SF3A3: variants seen among roughly 807,000 people sequenced by gnomAD.
The protein encoded by SF3A3 is splicing factor 3a subunit 3.
SF3A3 carries 9 observed loss-of-function variants against 85.8 expected under a neutral mutation model. The ratio of observed to expected loss-of-function variants is 0.10; its 90% CI spans 0.06 to 0.18. The LOEUF (loss-of-function observed/expected upper bound fraction) is 0.18. Among genes scored for constraint, SF3A3 ranks in the 10% least tolerant of loss-of-function variants. SF3A3 has a pLI of 1.00. For missense variants in SF3A3, 306 were observed against 593.3 expected, an observed-to-expected ratio of 0.52 and a Z score of 5.03; for synonymous variants, 195 against 204.4, an observed-to-expected ratio of 0.95 and a Z score of 0.39.
intron 14 of SF3A3, among the ~76,000 whole-genome samples, chr1:37,968,574 GGA>G (rs1278052189): frequency 6.6e-6 from 1 of 152,184 alleles, no homozygotes; most frequent in African/African-American, 2.4e-5. Flanking sequence ...GATGTGGTGA[GGA>G]GAGAGCAGGG....
intron 7 of SF3A3, among the ~76,000 whole-genome samples, chr1:37,981,122 T>C (rs1646415700): frequency 6.6e-6 from 1 of 152,118 alleles, no homozygotes; most frequent in Non-Finnish European, 1.5e-5. Flanking sequence ...GTGCTGGGAT[T>C]ACAGGTGTGA....
intron 2 of SF3A3, among the ~76,000 whole-genome samples, chr1:37,988,895 ATTTT>A (rs1200614023): frequency 0.014 from 2,079 of 147,338 alleles, 50 homozygotes; most frequent in East Asian, 0.092. Context: ...ATATATATAT[ATTTT>A]TTTTTTCATT....
chr1:37,980,798 T>C lies in SF3A3; in HGVS notation c.552-74A>G, dbSNP rs1181990722. The C allele has an allele frequency of 1.2e-5, 14 of 1,130,130 alleles. No individual in the cohort carries two copies. The Admixed American group carries it at 1.5e-4, about 12-fold the overall frequency. 70.0% of individuals were successfully genotyped at this position (1,130,130 alleles called of 1,614,324 possible). A position where few individuals can be genotyped will look rare whatever the true frequency, so the allele number is the denominator to read the frequency against. The stretch of plus-strand genomic sequence containing the variant: ...TGGTATCTTGTTATTCCCTGCAGAA[T>C]ATAAAGTACTTATAATTCTAGTAAT... On this transcript the variant is annotated intron_variant, in intron 7 of 16. Coordinates refer to ENST00000373019, the MANE Select transcript of SF3A3 (RefSeq NM_006802.4).
chr1:37,973,786 G>T (rs548686559), intron 12 of SF3A3, among the ~76,000 whole-genome samples: 1 of 152,142 alleles, frequency 6.6e-6, no homozygotes, highest in South Asian at 2.1e-4. Flanking sequence ...GCACACTTAC[G>T]TTTATTGCAG....
chr1:37,974,796 T>C (rs1646368901), intron 12 of SF3A3, among the ~76,000 whole-genome samples: 1 of 152,250 alleles, frequency 6.6e-6, no homozygotes, highest in African/African-American at 2.4e-5. Context: ...CAGAGTTTTC[T>C]CCGACCATTC....
chr1:37,968,228 C>T lies in SF3A3; in HGVS notation c.1282-94G>A, dbSNP rs1366430881. 6.7e-6 allele frequency: 5 copies of T among 749,202 alleles called. No individual in the cohort carries two copies. The African/African-American group carries it at 8.6e-5, about 13-fold the overall frequency. 46.4% of individuals were successfully genotyped at this position (749,202 alleles called of 1,614,324 possible). A position where few individuals can be genotyped will look rare whatever the true frequency, so the allele number is the denominator to read the frequency against. On this transcript the variant is annotated intron_variant, in intron 14 of 16. Transcript: ENST00000373019. ...TCTACTCATAAATCCTAACATGGCC[C>T]TTTGCAAGACTCCACCTAAAGGTAG...
At chr1:37,973,847 A>G (rs1646360144) in intron 12 of SF3A3, among the ~76,000 whole-genome samples, 1 of 152,222 alleles carries the variant, frequency 6.6e-6, no homozygotes, top group South Asian at 2.1e-4. Context: ...TCCATCAATA[A>G]TAGACTGGAT....
intron 12 of SF3A3, among the ~76,000 whole-genome samples, chr1:37,975,444 A>G (rs1646372594): frequency 6.6e-6 from 1 of 151,810 alleles, no homozygotes; most frequent in East Asian, 1.9e-4. Context: ...TGAACCCAGG[A>G]GGCGGAGGTT....
intron 12 of SF3A3, among the ~76,000 whole-genome samples, chr1:37,971,150 G>C (rs541231733): frequency 1.3e-5 from 2 of 151,812 alleles, no homozygotes; most frequent in African/African-American, 4.8e-5. Context: ...TCAAACAGAC[G>C]CAATAAAAAA....
intron 16 of SF3A3, among the ~76,000 whole-genome samples, chr1:37,959,574 AATTATT>A (rs912524330): frequency 6.0e-5 from 9 of 150,912 alleles, no homozygotes; most frequent in African/African-American, 1.2e-4. Context: ...ACACTTGGCT[AATTATT>A]ATTATTATTA....
intron 14 of SF3A3, among the ~76,000 whole-genome samples, chr1:37,968,654 T>G (rs184201103): frequency 1.8e-4 from 27 of 152,290 alleles, no homozygotes; most frequent in Non-Finnish European, 4.4e-5. Flanking sequence ...TTATCCTGGA[T>G]GCCAACTCCA....
chr1:37,965,030 T>A (rs1035103532), intron 15 of SF3A3, among the ~76,000 whole-genome samples: 1 of 151,998 alleles, frequency 6.6e-6, no homozygotes, highest in African/African-American at 2.4e-5. Flanking sequence ...TAGTGGTGCA[T>A]ACCTGTGGTC....
intron 12 of SF3A3, among the ~76,000 whole-genome samples, chr1:37,975,946 G>A (rs900677075): frequency 6.6e-6 from 1 of 152,180 alleles, no homozygotes; most frequent in East Asian, 1.9e-4. Context: ...CACGAGGTCA[G>A]GATTTCGAGA....
rs372075073 is a variant in SF3A3 at position 37,984,131 on chromosome 1, C to T, written c.468+38G>A. 52 of 1,171,576 alleles carry T rather than the reference C, an allele frequency of 4.4e-5. 1 individual carries two copies. The South Asian group carries it at 5.0e-4, about 11-fold the overall frequency. The allele number at this position is 1,171,576 out of a possible 1,614,324, so 72.6% of individuals were successfully genotyped here. On this transcript the variant is annotated intron_variant, in intron 6 of 16. Coordinates refer to ENST00000373019, the MANE Select transcript of SF3A3 (RefSeq NM_006802.4). ...TCCAGCCTACTGTCCTGACTCACTT[C>T]GAGAATCAGAACCTCTCTGCCCTTT...
At chr1:37,981,140 C>T (rs1381808229) in intron 7 of SF3A3, among the ~76,000 whole-genome samples, 7 of 152,016 alleles carry the variant, frequency 4.6e-5, no homozygotes, top group East Asian at 1.9e-4. Flanking sequence ...TGAGCCACCG[C>T]GCCCGGCCAA....
rs1300124021 is a variant in SF3A3, at chr1:37,960,073, C to G, written c.1428+47G>C. 2.0e-6 allele frequency: 3 copies of G among 1,521,200 alleles called. No homozygotes were observed. In the South Asian group the frequency reaches 3.4e-5, roughly 17 times the overall value. 94.2% of individuals were successfully genotyped at this position (1,521,200 alleles called of 1,614,324 possible). ...CTCCTTTCTACATGGTGAGGGAGCT[C>G]TCTATCACTTGACACTATCCCTAAC... On this transcript the variant is annotated intron_variant, in intron 16 of 16. Transcript: ENST00000373019.
Position 37,957,512 on chromosome 1 carries a change from C to CT in SF3A3, c.*673dup, listed in dbSNP as rs34188458. On this transcript the variant is annotated 3_prime_UTR_variant, in exon 17 of 17. Transcript: ENST00000373019. ...GGGACTACAGTGCGTGCCACCATGCCTTTTTTTTTTTTTTAATGAGACAGG... is the reference window on the plus strand; with the variant it reads ...GGGACTACAGTGCGTGCCACCATGCCTTTTTTTTTTTTTTTAATGAGACAGG... 120,174 of 138,848 alleles carry CT rather than the reference C, an allele frequency of 0.87. 51,930 individuals carry two copies. The highest frequency in any genetic ancestry group is 0.99 in the East Asian group (4,656 of 4,720). 8.6% of individuals were successfully genotyped at this position (138,848 alleles called of 1,614,324 possible). A position where few individuals can be genotyped will look rare whatever the true frequency, so the allele number is the denominator to read the frequency against.
Position 37,989,569 on chromosome 1 carries a change from G to T in SF3A3, c.123C>A (p.His41Gln), listed in dbSNP as rs1023496152. 1 of 1,614,082 alleles carries T rather than the reference G, an allele frequency of 6.2e-7. No homozygotes were observed. Among genetic ancestry groups the T allele is most frequent in the Non-Finnish European group, 8.5e-7 (1 of 1,180,000 alleles). ...TCACATCTTGCATGGCCCGAGTGCG[G>T]TGATCAGAATTGATCTGGTCCCGGA... ...STLRDQINSD[H>Q]RTRAMQDRYM... The change falls in exon 2 of 17, where the codon CAC becomes CAA. Residue 41 changes from histidine to glutamine, a missense_variant. Around this residue, in one of 4 missense-constraint regions of SF3A3, gnomAD observed 152 missense variants for 192.0 expected, o/e 0.79. Coordinates refer to ENST00000373019, the MANE Select transcript of SF3A3 (RefSeq NM_006802.4).
At chr1:37,966,300 T>C (rs936265074) in intron 15 of SF3A3, among the ~76,000 whole-genome samples, 2 of 152,212 alleles carry the variant, frequency 1.3e-5, no homozygotes, top group South Asian at 2.1e-4. Context: ...AGAAAGCTAC[T>C]ACTGCTGGGA....
Sources: allele counts gnomAD v4.1 joint callset (sites outside exome capture counted in the v4.1 genomes callset), GRCh38; gene constraint gnomAD v4.1.1; regional missense constraint gnomAD v4.1.1; transcripts MANE v1.5; gene names NCBI Gene and HGNC (gene_info 2026-07-23, HGNC 2026-07-21).